PTPRM: variants seen among roughly 807,000 people sequenced by gnomAD.
PTPRM encodes receptor-type tyrosine-protein phosphatase mu.
Under a neutral mutation model 186.7 loss-of-function variants are expected in PTPRM, and 47 were observed. The ratio of observed to expected loss-of-function variants is 0.25; its 90% CI spans 0.20 to 0.32. The LOEUF is 0.32. PTPRM is among the 10% of genes least tolerant of loss of function. PTPRM has a pLI of 1.00. For synonymous variants in PTPRM, 668 were observed against 674.9 expected (o/e 0.99, Z 0.16); for missense variants, 1,494 against 1,865.0 (o/e 0.80, Z 3.66).
At chr18:8,285,083 T>C (rs1349337394) in intron 19 of PTPRM, among the ~76,000 whole-genome samples, 4 of 152,208 alleles carry the variant, frequency 2.6e-5, no homozygotes, top group African/African-American at 9.7e-5. Flanking sequence ...TCTAATGATA[T>C]GTGCATTTCC....
In PTPRM at chr18:7,838,190, C is replaced by T. The variant is rs151287748; in HGVS notation, c.197-49916C>T. Among the ~76,000 whole-genome samples, 343 of 152,272 alleles carry T rather than the reference C, an allele frequency of 2.3e-3. 3 individuals are homozygous for T. Among genetic ancestry groups the T allele is most frequent in the Non-Finnish European group, 3.4e-3 (234 of 68,026 alleles). ...ATGGTGGAAGGGGAAGCAAACACATCCTTCTTCACATGGCAGCAGGAGAGA... is the reference window on the plus strand; with the variant it reads ...ATGGTGGAAGGGGAAGCAAACACATTCTTCTTCACATGGCAGCAGGAGAGA... On this transcript the variant is annotated intron_variant, in intron 2 of 32. Transcript: ENST00000580170.
intron 2 of PTPRM, among the ~76,000 whole-genome samples, chr18:7,818,033 G>A (rs1221274549): frequency 6.6e-6 from 1 of 152,164 alleles, no homozygotes; most frequent in African/African-American, 2.4e-5. Flanking sequence ...GCAGCCTAGG[G>A]ATTTTGCAAG....
At chr18:8,089,214 C>T (rs375016334) in intron 11 of PTPRM, among the ~76,000 whole-genome samples, 2 of 151,874 alleles carry the variant, frequency 1.3e-5, no homozygotes, top group Non-Finnish European at 2.9e-5. Context: ...ATGGATGTTT[C>T]GATTTTTTCA....
chr18:8,009,142 C>T lies in PTPRM; in HGVS notation c.1132+53728C>T, dbSNP rs78353718. ...GACATTTCAAACAAAGGAGCTTCTC[C>T]GATATAGCTTCATCTTGTGTGCTGG... On this transcript the variant is annotated intron_variant, in intron 7 of 32. Coordinates refer to ENST00000580170, the MANE Select transcript of PTPRM (RefSeq NM_001105244.2). Among the ~76,000 whole-genome samples, 934 of 152,124 alleles carry T rather than the reference C, an allele frequency of 6.1e-3. 6 individuals carry two copies. The highest frequency in any genetic ancestry group is 0.01 in the Non-Finnish European group (683 of 68,002).
intron 1 of PTPRM, among the ~76,000 whole-genome samples, chr18:7,641,988 T>C (rs1050346442): frequency 6.6e-6 from 1 of 152,214 alleles, no homozygotes; most frequent in Non-Finnish European, 1.5e-5. Flanking sequence ...ATAGGAGCAC[T>C]GTCTGGTTGT....
chr18:7,865,334 G>C (rs1178541262), intron 2 of PTPRM, among the ~76,000 whole-genome samples: 2 of 152,014 alleles, frequency 1.3e-5, no homozygotes, highest in Admixed American at 1.3e-4. Context: ...GTCATAAATA[G>C]CTCTTAGTAT....
At chr18:7,577,285 A>C (rs2036712676) in intron 1 of PTPRM, among the ~76,000 whole-genome samples, 2 of 152,248 alleles carry the variant, frequency 1.3e-5, no homozygotes, top group Non-Finnish European at 2.9e-5. Flanking sequence ...GTGTATAATA[A>C]AAATGTATAA....
chr18:8,335,882 C>T (rs1383929260), intron 22 of PTPRM, among the ~76,000 whole-genome samples: 6 of 152,096 alleles, frequency 3.9e-5, no homozygotes, highest in East Asian at 1.9e-4. Context: ...GCTAGCTGGG[C>T]GTGGTAGCGC....
At chr18:8,341,244 C>A (rs1479047175) in intron 22 of PTPRM, among the ~76,000 whole-genome samples, 1 of 152,164 alleles carries the variant, frequency 6.6e-6, no homozygotes, top group African/African-American at 2.4e-5. Flanking sequence ...CTTAATTTGA[C>A]TTAGTACCTA....
chr18:7,906,699 G>T, intron 4 of PTPRM, 116 bp downstream of exon 4: 2 of 815,078 alleles, frequency 2.5e-6, no homozygotes, highest in Non-Finnish European at 4.2e-6. Context: ...ACAGTTCCCT[G>T]ACAGGCCTGT....
chr18:7,657,943 T>C (rs1201121045), intron 1 of PTPRM, among the ~76,000 whole-genome samples: 1 of 152,206 alleles, frequency 6.6e-6, no homozygotes, highest in Admixed American at 6.5e-5. Context: ...ATTGTGTATA[T>C]TTAAGGTGTA....
chr18:7,871,935 T>C (rs1030822104), intron 2 of PTPRM, among the ~76,000 whole-genome samples: 10 of 152,190 alleles, frequency 6.6e-5, no homozygotes, highest in African/African-American at 2.4e-4. Context: ...TTTAGAATAA[T>C]TGTGTAAATG....
chr18:7,712,904 T>C (rs761038207), intron 1 of PTPRM, among the ~76,000 whole-genome samples: 18 of 152,082 alleles, frequency 1.2e-4, no homozygotes, highest in Non-Finnish European at 2.5e-4. Context: ...TTGGTGTACC[T>C]GAAAGTGACA....
intron 2 of PTPRM, chr18:7,887,879 A>T: frequency 1.4e-6 from 1 of 698,570 alleles, no homozygotes; most frequent in Non-Finnish European, 2.6e-6. Flanking sequence ...AATTACAGTA[A>T]CATCCAGGGA....
chr18:7,714,097 CTAAAATTGATCACATAATTGGAAG>C (rs1423487817), intron 1 of PTPRM, among the ~76,000 whole-genome samples: 1 of 152,156 alleles, frequency 6.6e-6, no homozygotes, highest in East Asian at 1.9e-4. Context: ...TGCACTTACT[CTAAAATTGATCACATAATTGGAAG>C]TAAAACACTC....
rs766654813 is a variant in PTPRM at position 8,376,167 on chromosome 18, C to T, written c.3293C>T (p.Pro1098Leu). 7 of 1,613,428 alleles carry T rather than the reference C, an allele frequency of 4.3e-6. No individual in the cohort carries two copies. The highest frequency in any genetic ancestry group is 1.1e-5 in the South Asian group (1 of 91,080). ...GTGCGGCAAGTCAAGTCCAAGAGCC[C>T]GCCCAGTGCAGGCCCACTGGTGGTG... ...GFVRQVKSKS[P>L]PSAGPLVVHC... Residue 1098 changes from proline to leucine, a missense_variant, in exon 25 of 33, where the codon CCG becomes CTG. Coordinates refer to ENST00000580170, the MANE Select transcript of PTPRM (RefSeq NM_001105244.2).
chr18:8,236,581 G>T (rs559876539), intron 14 of PTPRM, among the ~76,000 whole-genome samples: 1 of 152,046 alleles, frequency 6.6e-6, no homozygotes, highest in African/African-American at 2.4e-5. Context: ...TTGCTATGTT[G>T]CCCAGGCTGG....
chr18:8,372,120 G>A (rs1360592353), intron 24 of PTPRM, among the ~76,000 whole-genome samples: 1 of 124,414 alleles, frequency 8.0e-6, no homozygotes, highest in Non-Finnish European at 1.7e-5. Flanking sequence ...GCCGGACTGC[G>A]GACTGCAGTG....
At chr18:7,948,855 C>T (rs1207707268) in intron 5 of PTPRM, among the ~76,000 whole-genome samples, 1 of 152,096 alleles carries the variant, frequency 6.6e-6, no homozygotes, top group African/African-American at 2.4e-5. Context: ...GCTATAAGAC[C>T]AAATGTGGAT....
Sources: allele counts gnomAD v4.1 joint callset (sites outside exome capture counted in the v4.1 genomes callset), GRCh38; gene constraint gnomAD v4.1.1; transcripts MANE v1.5; gene names NCBI Gene and HGNC (gene_info 2026-07-23, HGNC 2026-07-21).